SUPT3H: variants seen among roughly 807,000 people sequenced by gnomAD.
The protein encoded by SUPT3H is transcription initiation protein SPT3 homolog.
A neutral mutation model predicts 44.3 loss-of-function variants in SUPT3H; 44 were observed. That is an observed-to-expected ratio of 0.99 (90% CI 0.78 to 1.28). The LOEUF (loss-of-function observed/expected upper bound fraction) is 1.28. Ranked by LOEUF, SUPT3H falls within the 50% of genes most tolerant of loss-of-function variation. The pLI, the probability that SUPT3H is intolerant of heterozygous loss-of-function variation, is 0.00. For synonymous variants in SUPT3H, 124 were observed against 125.6 expected (o/e 0.99, Z 0.09); for missense variants, 380 against 387.1 (o/e 0.98, Z 0.15).
intron 2 of SUPT3H, among the ~76,000 whole-genome samples, chr6:45,129,566 CTAAA>C (rs1431220108): frequency 6.6e-6 from 1 of 152,144 alleles, no homozygotes; most frequent in Non-Finnish European, 1.5e-5. Context: ...CCCGTATGAA[CTAAA>C]TGTCAGTCAT....
chr6:45,119,413 C>T lies in SUPT3H; in HGVS notation c.102-13407G>A, dbSNP rs73447096. Among the ~76,000 whole-genome samples, 934 of 152,210 alleles carry T rather than the reference C, an allele frequency of 6.1e-3. 11 individuals carry two copies. Among genetic ancestry groups the T allele is most frequent in the African/African-American group, 0.02 (822 of 41,532 alleles). ...GTCTAGGGAAGAGAAGGTATGAGGACGGATTCACCTCCCAACTGATTCCAC... is the reference window on the plus strand; with the variant it reads ...GTCTAGGGAAGAGAAGGTATGAGGATGGATTCACCTCCCAACTGATTCCAC... On this transcript the variant is annotated intron_variant, in intron 2 of 10. Transcript: ENST00000371459.
chr6:45,336,972 T>A (rs921293176), intron 2 of SUPT3H, among the ~76,000 whole-genome samples: 1 of 151,668 alleles, frequency 6.6e-6, no homozygotes, highest in East Asian at 1.9e-4. Flanking sequence ...AAACTTGCTG[T>A]GAAAACAGTG....
At chr6:45,316,318 T>G (rs1784694904) in intron 2 of SUPT3H, among the ~76,000 whole-genome samples, 1 of 151,500 alleles carries the variant, frequency 6.6e-6, no homozygotes, top group Non-Finnish European at 1.5e-5. Context: ...TCCAATAACT[T>G]ATGGAAAAAT....
chr6:44,882,659 C>T lies in SUPT3H; in HGVS notation c.912+49994G>A, dbSNP rs1439341309. On this transcript the variant is annotated intron_variant, in intron 10 of 10. Coordinates refer to ENST00000371459, the MANE Select transcript of SUPT3H (RefSeq NM_003599.4). Reference sequence around the variant, plus strand: ...CAATAAAATACTGGCAAACCGGATCCAGCAGCACATTAAAAAGCTTATCCA... The same window carrying T: ...CAATAAAATACTGGCAAACCGGATCTAGCAGCACATTAAAAAGCTTATCCA... Among the ~76,000 whole-genome samples, 6 of 152,254 alleles carry T rather than the reference C, an allele frequency of 3.9e-5. No homozygotes were observed. In the East Asian group the frequency reaches 9.6e-4, roughly 24 times the overall value.
At chr6:44,992,532 T>C (rs1276679846) in intron 6 of SUPT3H, among the ~76,000 whole-genome samples, 1 of 152,116 alleles carries the variant, frequency 6.6e-6, no homozygotes, top group Non-Finnish European at 1.5e-5. Context: ...ATAGAAAATA[T>C]CATGTCCCCA....
intron 2 of SUPT3H, among the ~76,000 whole-genome samples, chr6:45,157,457 CA>C (rs1307321567): frequency 2.0e-5 from 3 of 151,802 alleles, no homozygotes; most frequent in Admixed American, 6.6e-5. Context: ...ACTCCAACCC[CA>C]AGAGATTCTG....
chr6:44,825,258 A>G, downstream of SUPT3H, among the ~76,000 whole-genome samples: 1 of 152,218 alleles, frequency 6.6e-6, no homozygotes, highest in Non-Finnish European at 1.5e-5. Context: ...AGCCTATATA[A>G]TTATATTCTA....
intron 2 of SUPT3H, among the ~76,000 whole-genome samples, chr6:45,152,082 G>C (rs1384468383): frequency 2.0e-5 from 3 of 151,998 alleles, no homozygotes; most frequent in African/African-American, 7.2e-5. Context: ...AAACTTCTAT[G>C]CTAACTTTTC....
intron 10 of SUPT3H, among the ~76,000 whole-genome samples, chr6:44,925,098 C>T (rs1416037928): frequency 6.6e-6 from 1 of 152,082 alleles, no homozygotes; most frequent in Non-Finnish European, 1.5e-5. Flanking sequence ...TTCATATTTT[C>T]GATCCCTATT....
At chr6:44,843,904 AACACACACACACACACACACACGCAC>A (rs1486798352) in intron 10 of SUPT3H, among the ~76,000 whole-genome samples, 1 of 118,546 alleles carries the variant, frequency 8.4e-6, no homozygotes, top group Non-Finnish European at 1.7e-5. Flanking sequence ...TGAACAGCCA[AACACACACACACACACACACACGCAC>A]ACACACACAC....
chr6:45,174,777 TTC>T lies in SUPT3H; in HGVS notation c.102-68773_102-68772del, dbSNP rs900857282. Among the ~76,000 whole-genome samples, 7 of 152,164 alleles carry T rather than the reference TTC, an allele frequency of 4.6e-5. No individual in the cohort carries two copies. In the Middle Eastern group the frequency reaches 0.01, roughly 223 times the overall value. On this transcript the variant is annotated intron_variant, in intron 2 of 10. Transcript: ENST00000371459. Reference sequence around the variant, plus strand: ...AGTTTTGCACATATATATACAGAAATTCTGTTAGACTAAATTAGGTATAGAAT... The same window carrying T: ...AGTTTTGCACATATATATACAGAAATTGTTAGACTAAATTAGGTATAGAAT...
At chr6:44,976,716 T>TA (rs1778394308) in intron 6 of SUPT3H, among the ~76,000 whole-genome samples, 2 of 152,174 alleles carry the variant, frequency 1.3e-5, no homozygotes, top group African/African-American at 4.8e-5. Flanking sequence ...AAATATTTTT[T>TA]AAAAACAGAA....
chr6:45,184,044 G>A (rs1056450402), intron 2 of SUPT3H, among the ~76,000 whole-genome samples: 21 of 152,214 alleles, frequency 1.4e-4, no homozygotes, highest in African/African-American at 5.1e-4. Flanking sequence ...GAACATACAG[G>A]ATGTATTTGG....
chr6:45,055,632 A>G (rs1790994353), intron 3 of SUPT3H, among the ~76,000 whole-genome samples: 1 of 152,218 alleles, frequency 6.6e-6, no homozygotes, highest in Admixed American at 6.5e-5. Flanking sequence ...TAGAAGAATG[A>G]AACTGGATCC....
intron 2 of SUPT3H, among the ~76,000 whole-genome samples, chr6:45,284,336 G>A (rs1472225168): frequency 6.6e-6 from 1 of 151,918 alleles, no homozygotes; most frequent in African/African-American, 2.4e-5. Context: ...CAACAAAATT[G>A]ACAGACCGCT....
chr6:44,890,979 G>A (rs973523019), intron 10 of SUPT3H, among the ~76,000 whole-genome samples: 27 of 151,116 alleles, frequency 1.8e-4, no homozygotes, highest in Non-Finnish European at 3.1e-4. Context: ...GGGGCCTGTC[G>A]GGGTTGGGGG....
chr6:45,232,727 A>C (rs1768287983), intron 2 of SUPT3H, among the ~76,000 whole-genome samples: 1 of 151,930 alleles, frequency 6.6e-6, no homozygotes, highest in East Asian at 1.9e-4. Flanking sequence ...CAGACACACA[A>C]CTCTCAGGTT....
At chr6:45,223,810 G>A (rs1173150919) in intron 2 of SUPT3H, among the ~76,000 whole-genome samples, 2 of 151,208 alleles carry the variant, frequency 1.3e-5, no homozygotes, top group Admixed American at 6.6e-5. Context: ...CAAAGCTAGA[G>A]CTCTACTTAC....
intron 2 of SUPT3H, among the ~76,000 whole-genome samples, chr6:45,324,446 G>A (rs895924301): frequency 1.3e-5 from 2 of 151,830 alleles, no homozygotes; most frequent in Non-Finnish European, 2.9e-5. Context: ...CAAATCTACC[G>A]AGTATTCATT....
Sources: gnomAD v4.1 joint callset for allele counts (sites outside exome capture counted in the v4.1 genomes callset) on GRCh38, gnomAD v4.1.1 for gene constraint, MANE v1.5 for transcripts, NCBI Gene and HGNC (gene_info 2026-07-23, HGNC 2026-07-21) for gene names.